The following EYS variants were observed in gnomAD, a reference collection of about 807,000 sequenced individuals.
EYS encodes the protein protein eyes shut homolog.
A neutral mutation model predicts 282.1 loss-of-function variants in EYS; 250 were observed. The observed-to-expected ratio is 0.89, with a 90% CI of 0.80 to 0.98. The LOEUF (loss-of-function observed/expected upper bound fraction) is 0.98, where lower values mean the gene tolerates loss of function less well. EYS is among the 50% of genes least tolerant of loss of function. The pLI, the probability that EYS is intolerant of heterozygous loss-of-function variation, is 0.00. For synonymous variants in EYS, 1,355 were observed against 1,282.9 expected (o/e 1.06, Z -1.20); for missense variants, 4,016 against 3,709.0 (o/e 1.08, Z -2.15).
chr6:64,937,831 G>A (rs1239647371), intron 15 of EYS, among the ~76,000 whole-genome samples: 2 of 151,636 alleles, frequency 1.3e-5, no homozygotes, highest in Non-Finnish European at 3.0e-5. Flanking sequence ...TATTGCACAT[G>A]TTTATAGCAG....
intron 19 of EYS, among the ~76,000 whole-genome samples, chr6:64,823,558 A>T (rs1036213486): frequency 1.3e-5 from 2 of 152,100 alleles, no homozygotes; most frequent in African/African-American, 2.4e-5. Context: ...TGCCCATTAC[A>T]TCCATTACTA....
chr6:64,451,998 G>C (rs1582771486), intron 26 of EYS, among the ~76,000 whole-genome samples: 1 of 152,168 alleles, frequency 6.6e-6, no homozygotes, highest in East Asian at 1.9e-4. Flanking sequence ...AGTGTTGGAA[G>C]TTCTGGCCAG....
At chr6:64,352,056 A>G (rs560909858) in intron 29 of EYS, among the ~76,000 whole-genome samples, 1 of 151,656 alleles carries the variant, frequency 6.6e-6, no homozygotes, top group East Asian at 2.0e-4. Flanking sequence ...TACCTCCTAT[A>G]TTAATCTTTA....
chr6:65,140,832 T>C (rs1764318197), intron 12 of EYS, among the ~76,000 whole-genome samples: 1 of 148,826 alleles, frequency 6.7e-6, no homozygotes, highest in Admixed American at 6.7e-5. Flanking sequence ...CATTAAAAAG[T>C]CAGGAAACAA....
chr6:65,052,685 A>G (rs1252637006), intron 13 of EYS, among the ~76,000 whole-genome samples: 1 of 151,680 alleles, frequency 6.6e-6, no homozygotes, highest in Non-Finnish European at 1.5e-5. Context: ...ACTCATTTTT[A>G]CATATTAAAA....
intron 12 of EYS, among the ~76,000 whole-genome samples, chr6:65,258,217 T>C (rs1365618184): frequency 1.3e-5 from 2 of 151,916 alleles, no homozygotes; most frequent in Admixed American, 6.6e-5. Flanking sequence ...TTCCAGTTAG[T>C]GACAGAAAAA....
At chr6:64,074,312 T>C (rs1771690109) in intron 32 of EYS, among the ~76,000 whole-genome samples, 1 of 151,008 alleles carries the variant, frequency 6.6e-6, no homozygotes, top group Admixed American at 6.6e-5. Context: ...ATCTGATATA[T>C]TAAAATATAT....
At chr6:64,347,999 T>C (rs1771476042) in intron 29 of EYS, among the ~76,000 whole-genome samples, 1 of 151,430 alleles carries the variant, frequency 6.6e-6, no homozygotes, top group Admixed American at 6.6e-5. Context: ...GATAAATCTT[T>C]TAACATTTTG....
rs187780641 is a variant in EYS at position 65,007,479 on chromosome 6, C to T, written c.2138-9776G>A. ...AAGTATAAATTATAACACCATCTTACAGCTAGACCTGTTTTGTAGGAAAAA... is the reference window on the plus strand; with the variant it reads ...AAGTATAAATTATAACACCATCTTATAGCTAGACCTGTTTTGTAGGAAAAA... On this transcript the variant is annotated intron_variant, in intron 13 of 42. Transcript: ENST00000503581. Among the ~76,000 whole-genome samples the T allele has an allele frequency of 3.1e-3, 470 of 152,280 alleles. 2 individuals are homozygous for T. The highest frequency in any genetic ancestry group is 0.011 in the African/African-American group (445 of 41,546).
intron 31 of EYS, among the ~76,000 whole-genome samples, chr6:64,221,941 G>A (rs1371721749): frequency 6.6e-6 from 1 of 151,754 alleles, no homozygotes; most frequent in Non-Finnish European, 1.5e-5. Flanking sequence ...GGAGTAGTGG[G>A]GACTACTGTA....
rs1418486524 is a variant in EYS at position 63,779,465 on chromosome 6, AACC to A, written c.7724-1288_7724-1286del. The A allele has an allele frequency of 3.3e-5, 5 of 151,302 alleles. No individual in the cohort carries two copies. The South Asian group carries it at 6.2e-4, about 19-fold the overall frequency. 9.4% of individuals were successfully genotyped at this position (151,302 alleles called of 1,614,324 possible). A position where few individuals can be genotyped will look rare whatever the true frequency, so the allele number is the denominator to read the frequency against. Reference sequence around the variant, plus strand: ...CGAGAGTCTGTTTCAAAAAAAAAAAAACCAAACAAACAAAAATAACTTTTCTAC... The same window carrying A: ...CGAGAGTCTGTTTCAAAAAAAAAAAAAAACAAACAAAAATAACTTTTCTAC... On this transcript the variant is annotated intron_variant, in intron 39 of 42. Coordinates refer to ENST00000503581, the MANE Select transcript of EYS (RefSeq NM_001142800.2).
intron 33 of EYS, among the ~76,000 whole-genome samples, chr6:64,059,069 T>A (rs1338150274): frequency 2.0e-5 from 3 of 152,206 alleles, no homozygotes; most frequent in Non-Finnish European, 4.4e-5. Flanking sequence ...GTTCTCATCA[T>A]ACATTTTCTT....
At chr6:64,465,642 T>C (rs982299056) in intron 26 of EYS, among the ~76,000 whole-genome samples, 2 of 151,996 alleles carry the variant, frequency 1.3e-5, no homozygotes, top group Non-Finnish European at 2.9e-5. Flanking sequence ...ACTGTAAAAT[T>C]AGTTGAAGAA....
chr6:65,292,194 A>T (rs1346790371), intron 12 of EYS, among the ~76,000 whole-genome samples: 1 of 151,752 alleles, frequency 6.6e-6, no homozygotes, highest in Non-Finnish European at 1.5e-5. Context: ...CATAAATTAC[A>T]AAAGAAAATA....
intron 26 of EYS, among the ~76,000 whole-genome samples, chr6:64,576,179 ACTAGC>A (rs1765873118): frequency 6.6e-6 from 1 of 152,084 alleles, no homozygotes; most frequent in Non-Finnish European, 1.5e-5. Context: ...ATCATCCTTG[ACTAGC>A]CAGTGAAAAA....
At chr6:65,525,668 T>C (rs1035952987) in intron 2 of EYS, among the ~76,000 whole-genome samples, 2 of 152,228 alleles carry the variant, frequency 1.3e-5, no homozygotes, top group Admixed American at 6.5e-5. Context: ...AATCACTGAC[T>C]CTTTTGTTTT....
chr6:65,461,947 A>G (rs926825118), intron 5 of EYS, among the ~76,000 whole-genome samples: 6 of 152,110 alleles, frequency 3.9e-5, no homozygotes, highest in African/African-American at 1.4e-4. Context: ...GGTATTTACC[A>G]TAGAGAATGA....
chr6:63,746,853 C>T (rs1769221619), intron 41 of EYS, among the ~76,000 whole-genome samples: 1 of 152,032 alleles, frequency 6.6e-6, no homozygotes, highest in Non-Finnish European at 1.5e-5. Flanking sequence ...AGCAATCTAT[C>T]TATTTTGTTA....
chr6:64,839,128 G>A (rs1442133612), intron 19 of EYS, among the ~76,000 whole-genome samples: 1 of 151,908 alleles, frequency 6.6e-6, no homozygotes, highest in Non-Finnish European at 1.5e-5. Context: ...ATACTTTTGA[G>A]ATCTGCCCTT....
Sources: allele counts gnomAD v4.1 joint callset (sites outside exome capture counted in the v4.1 genomes callset), GRCh38; gene constraint gnomAD v4.1.1; transcripts MANE v1.5; gene names NCBI Gene and HGNC (gene_info 2026-07-23, HGNC 2026-07-21).